The following NAV3 variants were observed in gnomAD, a reference collection of about 807,000 sequenced individuals.
NAV3 encodes the protein neuron navigator 3.
A neutral mutation model predicts 244.7 loss-of-function variants in NAV3; 87 were observed. The observed-to-expected ratio is 0.36, with a 90% CI of 0.30 to 0.42. The LOEUF (loss-of-function observed/expected upper bound fraction) is 0.42, where lower values mean the gene tolerates loss of function less well. NAV3 is among the 20% of genes least tolerant of loss of function. NAV3 has a pLI of 1.00. For missense variants in NAV3, 2,663 were observed against 2,893.3 expected, an observed-to-expected ratio of 0.92 and a Z score of 1.83; for synonymous variants, 1,126 against 1,042.2, an observed-to-expected ratio of 1.08 and a Z score of -1.55.
chr12:78,038,994 C>T (rs950180960), intron 9 of NAV3, among the ~76,000 whole-genome samples: 5 of 151,946 alleles, frequency 3.3e-5, no homozygotes, highest in Non-Finnish European at 5.9e-5. Flanking sequence ...CAAAAGAAGC[C>T]GGTATGCCTT....
intron 2 of NAV3, among the ~76,000 whole-genome samples, chr12:77,780,059 C>G (rs541589484): frequency 6.6e-6 from 1 of 151,966 alleles, no homozygotes; most frequent in Admixed American, 6.6e-5. Flanking sequence ...TTTTTTCTAT[C>G]TTATTTCAGT....
chr12:77,956,116 C>G (rs983199571), intron 3 of NAV3, among the ~76,000 whole-genome samples: 2 of 152,114 alleles, frequency 1.3e-5, no homozygotes, highest in Admixed American at 6.6e-5. Flanking sequence ...TACTTTAACT[C>G]TCCAGAAAAA....
intron 1 of NAV3, among the ~76,000 whole-genome samples, chr12:77,902,502 T>C (rs74206536): frequency 6.6e-6 from 1 of 152,212 alleles, no homozygotes; most frequent in Non-Finnish European, 1.5e-5. Flanking sequence ...TCATTGGTTC[T>C]GTTTATATGC....
upstream of NAV3, among the ~76,000 whole-genome samples, chr12:77,830,319 T>C (rs990716232): frequency 5.3e-5 from 8 of 152,214 alleles, no homozygotes; most frequent in Admixed American, 5.2e-4. Context: ...TCATACATTC[T>C]TTCCCCCTTT....
At chr12:78,135,218 C>A (rs1371456336) in intron 18 of NAV3, among the ~76,000 whole-genome samples, 1 of 152,206 alleles carries the variant, frequency 6.6e-6, no homozygotes, top group Non-Finnish European at 1.5e-5. Context: ...CTTCTTCAGA[C>A]ATCTGCCCTA....
intron 2 of NAV3, among the ~76,000 whole-genome samples, chr12:77,750,354 AAAC>A (rs1442118297): frequency 1.3e-5 from 2 of 152,066 alleles, no homozygotes; most frequent in Non-Finnish European, 1.5e-5. Context: ...CTCCATCTCA[AAAC>A]AACAACAACA....
intron 8 of NAV3, among the ~76,000 whole-genome samples, chr12:78,010,407 GCTTA>G (rs1345374228): frequency 6.6e-6 from 1 of 152,092 alleles, no homozygotes; most frequent in Non-Finnish European, 1.5e-5. Context: ...TTTGTTGAGT[GCTTA>G]CTTAGTGAAA....
intron 2 of NAV3, among the ~76,000 whole-genome samples, chr12:77,589,328 A>G (rs1869791669): frequency 1.3e-5 from 2 of 150,342 alleles, no homozygotes; most frequent in East Asian, 3.9e-4. Context: ...CCCAGTTCCA[A>G]AGTCACTTCC....
At chr12:77,987,216 G>A (rs1870672326) in intron 5 of NAV3, among the ~76,000 whole-genome samples, 1 of 152,028 alleles carries the variant, frequency 6.6e-6, no homozygotes. Context: ...ACAAATCTAT[G>A]GAGCAATAAA....
intron 30 of NAV3, 42 bp from the exon 31 acceptor site, chr12:78,185,559 A>ATGT (rs1958676261): frequency 6.6e-7 from 1 of 1,514,806 alleles, no homozygotes; most frequent in Non-Finnish European, 9.1e-7. Context: ...ATCTGAGCTA[A>ATGT]TGTTATACTG....
At chr12:77,651,235 C>G (rs903463088) in intron 2 of NAV3, among the ~76,000 whole-genome samples, 1 of 152,018 alleles carries the variant, frequency 6.6e-6, no homozygotes, top group African/African-American at 2.4e-5. Flanking sequence ...AAAATTTTGG[C>G]CTTTAAAACC....
At chr12:77,687,765 C>A (rs188145036) in intron 2 of NAV3, among the ~76,000 whole-genome samples, 390 of 152,184 alleles carry the variant, frequency 2.6e-3, no homozygotes, top group Non-Finnish European at 5.0e-3. Context: ...AAAGAAATGG[C>A]AATGCCTCTC....
At chr12:78,102,782 G>T (rs747436545) in intron 12 of NAV3, among the ~76,000 whole-genome samples, 2 of 152,194 alleles carry the variant, frequency 1.3e-5, no homozygotes, top group Non-Finnish European at 2.9e-5. Flanking sequence ...AAGGTTTGGG[G>T]CTTGCACCCT....
At chr12:78,160,607 T>C (rs1957502469) in intron 23 of NAV3, among the ~76,000 whole-genome samples, 3 of 152,126 alleles carry the variant, frequency 2.0e-5, no homozygotes. Flanking sequence ...ACAAAAGTAG[T>C]ATGTATTACC....
At chr12:77,647,703 A>G (rs1028063748) in intron 2 of NAV3, among the ~76,000 whole-genome samples, 1 of 151,758 alleles carries the variant, frequency 6.6e-6, no homozygotes, top group South Asian at 2.1e-4. Context: ...TGCTATATCA[A>G]CTCTCTCTAA....
intron 2 of NAV3, among the ~76,000 whole-genome samples, chr12:77,724,120 G>T (rs992573673): frequency 6.6e-6 from 1 of 151,804 alleles, no homozygotes; most frequent in African/African-American, 2.4e-5. Flanking sequence ...CACATGTAAA[G>T]TATCAAGACA....
chr12:78,127,791 A>G (rs935929653), intron 17 of NAV3, among the ~76,000 whole-genome samples: 5 of 152,184 alleles, frequency 3.3e-5, no homozygotes, highest in Non-Finnish European at 5.9e-5. Flanking sequence ...AAATTGTTTT[A>G]ATTTCTATTT....
At chr12:78,117,837 T>G (rs1955488883) in intron 13 of NAV3, among the ~76,000 whole-genome samples, 190 bp from the exon 14 acceptor site, 1 of 152,160 alleles carries the variant, frequency 6.6e-6, no homozygotes, top group South Asian at 2.1e-4. Flanking sequence ...TTTCTGCATG[T>G]ATTTATTCTG....
At chr12:77,766,040 T>G (rs933172891) in intron 2 of NAV3, among the ~76,000 whole-genome samples, 1 of 152,056 alleles carries the variant, frequency 6.6e-6, no homozygotes, top group East Asian at 1.9e-4. Flanking sequence ...TTAAGAAATT[T>G]AAGGGATATG....
Sources: allele counts gnomAD v4.1 joint callset (sites outside exome capture counted in the v4.1 genomes callset), GRCh38; gene constraint gnomAD v4.1.1; transcripts MANE v1.5; gene names NCBI Gene and HGNC (gene_info 2026-07-23, HGNC 2026-07-21).